Variants in EXTL3 observed in about 807,000 individuals in gnomAD.
EXTL3 encodes the protein exostosin like glycosyltransferase 3.
In EXTL3, 27 loss-of-function variants were observed where a neutral mutation model predicts 69.3. The observed-to-expected ratio is 0.39, with a 90% CI of 0.29 to 0.54. The LOEUF (loss-of-function observed/expected upper bound fraction) is 0.54. Among genes scored for constraint, EXTL3 ranks in the 20% least tolerant of loss-of-function variants. The pLI is 0.69. For missense variants in EXTL3, 1,003 were observed against 1,231.8 expected, an observed-to-expected ratio of 0.81 and a Z score of 2.78; for synonymous variants, 511 against 499.4, an observed-to-expected ratio of 1.02 and a Z score of -0.31.
chr8:28,671,091 C>CGA (rs1807282832), intron 1 of EXTL3, among the ~76,000 whole-genome samples: 3 of 151,874 alleles, frequency 2.0e-5, no homozygotes, highest in African/African-American at 7.3e-5. Context: ...AGCGATTCTC[C>CGA]TGCCTCTGCC....
intron 1 of EXTL3, among the ~76,000 whole-genome samples, chr8:28,692,370 T>G (rs1000585731): frequency 6.6e-6 from 1 of 152,210 alleles, no homozygotes; most frequent in Non-Finnish European, 1.5e-5. Flanking sequence ...TGGGATTGAC[T>G]TGGACCCTAC....
rs1801497982 is a variant in EXTL3, at chr8:28,729,792, G to C, written c.2149-1431G>C. On this transcript the variant is annotated intron_variant, in intron 3 of 6. Transcript: ENST00000220562. ...AGATAGGAGGATCTCTTGAGCTCAG[G>C]AGTTCGAGACGCCTGGGGGGAACAT... 1.3e-5 allele frequency among the ~76,000 whole-genome samples: 2 copies of C among 151,586 alleles called. 1 individual carries two copies. Among genetic ancestry groups the C allele is most frequent in the African/African-American group, 4.9e-5 (2 of 41,226 alleles).
At chr8:28,633,035 T>C (rs932578190) in intron 1 of EXTL3, among the ~76,000 whole-genome samples, 3 of 152,086 alleles carry the variant, frequency 2.0e-5, no homozygotes, top group African/African-American at 4.8e-5. Context: ...TTTTAAATGG[T>C]TGGGAAAAAA....
chr8:28,678,991 C>T (rs765197722), intron 1 of EXTL3, among the ~76,000 whole-genome samples: 1 of 152,192 alleles, frequency 6.6e-6, no homozygotes, highest in Non-Finnish European at 1.5e-5. Flanking sequence ...CTCCCTTATA[C>T]CAGCTTCTTT....
At chr8:28,619,172 G>A (rs1585216320), upstream of EXTL3, among the ~76,000 whole-genome samples, 1 of 141,984 alleles carries the variant, frequency 7.0e-6, no homozygotes, top group African/African-American at 2.6e-5. Flanking sequence ...AGTTTTCCCT[G>A]CTCTAACAGG....
chr8:28,723,224 TC>T lies in EXTL3; in HGVS notation c.2148+5019del, dbSNP rs1801335886. Among the ~76,000 whole-genome samples the T allele has an allele frequency of 2.0e-5, 3 of 152,342 alleles. No homozygotes were observed. In the South Asian group the frequency reaches 6.2e-4, roughly 32 times the overall value. ...GGTGAAGCCAGCAGGAAAAACCTTG[TC>T]CAGCTTCTCCAGGTCCAAGACTGTG... On this transcript the variant is annotated intron_variant, in intron 3 of 6. Coordinates refer to ENST00000220562, the MANE Select transcript of EXTL3 (RefSeq NM_001440.4).
intron 2 of EXTL3, among the ~76,000 whole-genome samples, chr8:28,610,521 C>T (rs1806257652): frequency 6.6e-6 from 1 of 152,108 alleles, no homozygotes; most frequent in African/African-American, 2.4e-5. Flanking sequence ...AGAGCCCAGG[C>T]ACTGAGGACC....
intron 1 of EXTL3, among the ~76,000 whole-genome samples, chr8:28,634,060 G>A (rs1585223069): frequency 1.3e-5 from 2 of 152,298 alleles, no homozygotes; most frequent in East Asian, 1.9e-4. Flanking sequence ...CACATGGGCC[G>A]GGTTGAGGAG....
intron 1 of EXTL3, among the ~76,000 whole-genome samples, chr8:28,678,788 A>G (rs1807431625): frequency 6.6e-6 from 1 of 152,220 alleles, no homozygotes; most frequent in African/African-American, 2.4e-5. Context: ...CATGGGGAGA[A>G]GGGAAAAGCA....
intron 1 of EXTL3, among the ~76,000 whole-genome samples, chr8:28,646,308 C>T (rs1487418077): frequency 6.6e-6 from 1 of 152,190 alleles, no homozygotes; most frequent in Non-Finnish European, 1.5e-5. Flanking sequence ...ATTTCTTTTA[C>T]TTTCTTGCGT....
chr8:28,699,199 T>C (rs748066796), upstream of EXTL3, among the ~76,000 whole-genome samples: 32 of 151,900 alleles, frequency 2.1e-4, no homozygotes, highest in Non-Finnish European at 3.5e-4. Context: ...AAAAATAGGA[T>C]GATGATGATG....
chr8:28,635,864 T>A (rs1332117216), intron 1 of EXTL3, among the ~76,000 whole-genome samples: 1 of 152,172 alleles, frequency 6.6e-6, no homozygotes, highest in Admixed American at 6.5e-5. Context: ...ACTTTGTTGA[T>A]GATAAAATAT....
At chr8:28,609,607 C>G (rs1194343051) in intron 2 of EXTL3, among the ~76,000 whole-genome samples, 1 of 151,068 alleles carries the variant, frequency 6.6e-6, no homozygotes, top group East Asian at 1.9e-4. Flanking sequence ...TATGCAAGGC[C>G]AGGCACGGTA....
intron 1 of EXTL3, among the ~76,000 whole-genome samples, chr8:28,664,042 C>G (rs1193485579): frequency 6.6e-6 from 1 of 151,022 alleles, no homozygotes; most frequent in African/African-American, 2.4e-5. Flanking sequence ...CAGGTGACAC[C>G]TTCTTCACCA....
At chr8:28,622,436 C>G (rs184590888), upstream of EXTL3, among the ~76,000 whole-genome samples, 287 of 152,344 alleles carry the variant, frequency 1.9e-3, 1 homozygote, top group Admixed American at 2.7e-3. Flanking sequence ...TCCCACAATG[C>G]ACCGGGCTCT....
chr8:28,734,650 T>C (rs1331768705), intron 4 of EXTL3, among the ~76,000 whole-genome samples: 1 of 152,206 alleles, frequency 6.6e-6, no homozygotes, highest in Non-Finnish European at 1.5e-5. Flanking sequence ...AGGTGGAGGT[T>C]GCAGTGAGCC....
intron 1 of EXTL3, chr8:28,696,346 A>G (rs748086483): frequency 6.6e-6 from 1 of 152,278 alleles, no homozygotes; most frequent in Non-Finnish European, 1.5e-5. Flanking sequence ...CACTGCCCAG[A>G]TGGCCCCTTT....
At chr8:28,669,347 C>T (rs893214279) in intron 1 of EXTL3, among the ~76,000 whole-genome samples, 1 of 152,234 alleles carries the variant, frequency 6.6e-6, no homozygotes, top group Admixed American at 6.5e-5. Flanking sequence ...CAGCAGTTAC[C>T]TACATCAGTA....
At chr8:28,615,689 T>C (rs1806322015) in intron 2 of EXTL3, among the ~76,000 whole-genome samples, 1 of 151,976 alleles carries the variant, frequency 6.6e-6, no homozygotes, top group Non-Finnish European at 1.5e-5. Flanking sequence ...TGCCTCAGCC[T>C]CCCAAGTAGT....
Sources: allele counts gnomAD v4.1 joint callset (sites outside exome capture counted in the v4.1 genomes callset), GRCh38; gene constraint gnomAD v4.1.1; transcripts MANE v1.5; gene names NCBI Gene and HGNC (gene_info 2026-07-23, HGNC 2026-07-21).